NLRP8: variants seen among roughly 807,000 people sequenced by gnomAD.
The protein encoded by NLRP8 is NLR family pyrin domain containing 8.
A neutral mutation model predicts 88.7 loss-of-function variants in NLRP8; 86 were observed. The observed-to-expected ratio is 0.97, with a 90% CI of 0.81 to 1.16. The LOEUF (loss-of-function observed/expected upper bound fraction) is 1.16. Ranked by LOEUF, NLRP8 falls within the 50% of genes most tolerant of loss-of-function variation. The probability of loss-of-function intolerance (pLI) is 0.00; values close to 1 mark genes in which losing one functional copy is unlikely to be tolerated. For missense variants in NLRP8, 1,342 were observed against 1,286.5 expected (o/e 1.04, Z -0.66); for synonymous variants, 504 against 494.6 (o/e 1.02, Z -0.25).
In NLRP8 at chr19:55,972,412, G is replaced by A. The variant is rs191239128; in HGVS notation, c.2535-1240G>A. Among the ~76,000 whole-genome samples the A allele has an allele frequency of 7.2e-3, 916 of 127,838 alleles. 12 individuals carry two copies. Among genetic ancestry groups the A allele is most frequent in the African/African-American group, 0.022 (851 of 38,090 alleles). 83.9% of individuals were successfully genotyped at this position (127,838 alleles called of 152,430 possible). A position where few individuals can be genotyped will look rare whatever the true frequency, so the allele number is the denominator to read the frequency against. ...TTACAGATGTGAGCCACTGCACCTA[G>A]TCTTTTTTTTTTTCAGGTTTTAATT... On this transcript the variant is annotated intron_variant, in intron 6 of 9. Transcript: ENST00000291971.
Position 55,955,363 on chromosome 19 carries a change from T to TC in NLRP8, c.1308dup (p.Thr437HisfsTer4), listed in dbSNP as rs778654409. The TC allele has an allele frequency of 1.2e-6, 2 of 1,614,160 alleles. No individual in the cohort carries two copies. Among genetic ancestry groups the TC allele is most frequent in the Admixed American group, 3.3e-5 (2 of 60,012 alleles). On this transcript the variant is annotated frameshift_variant, in exon 3 of 10. Coordinates refer to ENST00000291971, the MANE Select transcript of NLRP8 (RefSeq NM_176811.2). LOFTEE classifies it high-confidence loss of function. Reference sequence around the variant, plus strand: ...TCGTCCGGTATATTTCTAGCTTGTTTCCCACCAGAGCTGAGAACTTTTCCA... The same window carrying TC: ...TCGTCCGGTATATTTCTAGCTTGTTTCCCCACCAGAGCTGAGAACTTTTCCA...
intron 9 of NLRP8, among the ~76,000 whole-genome samples, chr19:55,983,941 T>G (rs983812001): frequency 1.3e-5 from 2 of 152,066 alleles, no homozygotes; most frequent in African/African-American, 4.8e-5. Context: ...TCTAAAAAAT[T>G]ACTGCTAACA....
Position 55,988,034 on chromosome 19 carries a change from G to C in NLRP8, c.*121G>C. On this transcript the variant is annotated 3_prime_UTR_variant, in exon 10 of 10. Coordinates refer to ENST00000291971, the MANE Select transcript of NLRP8 (RefSeq NM_176811.2). ...CTTTCCCCTGAAACAGAGCAACCCA[G>C]TCAACACCACAGAACCTCAGCTTTG... 1 of 716,672 alleles carries C rather than the reference G, an allele frequency of 1.4e-6. No homozygotes were observed. Among genetic ancestry groups the C allele is most frequent in the South Asian group, 1.6e-5 (1 of 62,292 alleles). The allele number at this position is 716,672 out of a possible 1,614,324, so 44.4% of individuals were successfully genotyped here.
intron 1 of NLRP8, among the ~76,000 whole-genome samples, chr19:55,950,935 G>C (rs539466300): frequency 2.6e-5 from 4 of 152,086 alleles, no homozygotes; most frequent in Non-Finnish European, 4.4e-5. Flanking sequence ...GAAATTAGCC[G>C]GGCGTGGTGG....
chr19:55,957,677 ATATATATATATATATATATATATATATAT>A (rs1979430876), intron 3 of NLRP8, among the ~76,000 whole-genome samples: 3 of 11,974 alleles, frequency 2.5e-4, no homozygotes, highest in African/African-American at 5.5e-4. Context: ...TAATAATTAT[ATATATATATATATATATATATATATATAT>A]ATATATATAT....
At chr19:55,961,749 G>T (rs1053709843) in intron 3 of NLRP8, among the ~76,000 whole-genome samples, 1 of 152,186 alleles carries the variant, frequency 6.6e-6, no homozygotes, top group Admixed American at 6.5e-5. Flanking sequence ...AGCGAGCTGT[G>T]TTCAGACCAC....
chr19:55,987,428 T>A (rs1308785077), intron 9 of NLRP8, among the ~76,000 whole-genome samples: 1 of 152,216 alleles, frequency 6.6e-6, no homozygotes, highest in Non-Finnish European at 1.5e-5. Flanking sequence ...GATTAGCTAA[T>A]GTCTGGTCTG....
chr19:55,977,689 G>A (rs960266226), intron 8 of NLRP8, among the ~76,000 whole-genome samples: 23 of 151,296 alleles, frequency 1.5e-4, no homozygotes, highest in African/African-American at 5.6e-4. Context: ...TAAGTATTTG[G>A]AAAAGACTTG....
chr19:55,985,913 G>T (rs1429102270), intron 9 of NLRP8, among the ~76,000 whole-genome samples: 1 of 152,144 alleles, frequency 6.6e-6, no homozygotes, highest in East Asian at 1.9e-4. Flanking sequence ...CTTCTCAGGA[G>T]GCTGAGGCAG....
chr19:55,950,056 G>A (rs1979022306), intron 1 of NLRP8, among the ~76,000 whole-genome samples: 2 of 152,124 alleles, frequency 1.3e-5, no homozygotes, highest in South Asian at 4.1e-4. Context: ...CCGTGACCCA[G>A]TGGTAGAGAA....
Position 55,988,183 on chromosome 19 carries a change from G to A in NLRP8, c.*270G>A, listed in dbSNP as rs1980944665. The A allele has an allele frequency of 8.6e-6, 2 of 231,534 alleles. No individual in the cohort carries two copies. The highest frequency in any genetic ancestry group is 1.7e-5 in the Non-Finnish European group (2 of 117,792). The allele number at this position is 231,534 out of a possible 1,614,324, so 14.3% of individuals were successfully genotyped here. The stretch of plus-strand genomic sequence containing the variant: ...GAGGTGGGCAGATTACCTGAGGTCA[G>A]GAGTTCCAGACCAGCCTGGCCAACA... On this transcript the variant is annotated 3_prime_UTR_variant, in exon 10 of 10. Transcript: ENST00000291971.
chr19:55,984,548 T>C (rs1980718612), intron 9 of NLRP8, among the ~76,000 whole-genome samples: 6 of 149,720 alleles, frequency 4.0e-5, no homozygotes, highest in African/African-American at 1.2e-4. Context: ...CAGCTACTTT[T>C]GAGGCTGAGG....
chr19:55,972,318 T>C (rs73613434), intron 6 of NLRP8, among the ~76,000 whole-genome samples: 31,246 of 151,700 alleles, frequency 0.21, 3,498 homozygotes, highest in African/African-American at 0.31. Flanking sequence ...TTTTGCCACG[T>C]TGGCCAGGCT....
intron 1 of NLRP8, among the ~76,000 whole-genome samples, chr19:55,951,972 G>T (rs561679232): frequency 6.6e-6 from 1 of 151,872 alleles, no homozygotes; most frequent in African/African-American, 2.4e-5. Context: ...AGCTGGTCTC[G>T]AACTCCTTGG....
intron 9 of NLRP8, among the ~76,000 whole-genome samples, chr19:55,986,462 ACTCTCT>A (rs1264602164): frequency 0.011 from 478 of 44,956 alleles, 4 homozygotes; most frequent in Middle Eastern, 0.032. Context: ...TCACACACAC[ACTCTCT>A]CACATACACA....
intron 9 of NLRP8, among the ~76,000 whole-genome samples, chr19:55,980,431 T>C (rs139197473): frequency 7.9e-4 from 121 of 152,348 alleles, no homozygotes; most frequent in African/African-American, 2.8e-3. Context: ...AAAGGCGTAT[T>C]GTCTTACACA....
In NLRP8 at chr19:55,961,244, A is replaced by G. The variant is rs1979596308; in HGVS notation, c.2043-823A>G. ...TAATGCAACCAACAGCAATCTTCAC[A>G]TGTGTATCTTGGTCAGCCTCTCTGA... On this transcript the variant is annotated intron_variant, in intron 3 of 9. Transcript: ENST00000291971. Among the ~76,000 whole-genome samples, 3 of 152,002 alleles carry G rather than the reference A, an allele frequency of 2.0e-5. No homozygotes were observed. The South Asian group carries it at 6.2e-4, about 32-fold the overall frequency.
chr19:55,982,861 A>C (rs1013230380), intron 9 of NLRP8, among the ~76,000 whole-genome samples: 2 of 152,130 alleles, frequency 1.3e-5, no homozygotes, highest in African/African-American at 4.8e-5. Flanking sequence ...TGGGAAGATC[A>C]CTTGAGCCCA....
intron 5 of NLRP8, among the ~76,000 whole-genome samples, chr19:55,967,155 G>T (rs1490104763): frequency 6.6e-6 from 1 of 152,144 alleles, no homozygotes; most frequent in Non-Finnish European, 1.5e-5. Flanking sequence ...CAAATACTAG[G>T]TCTTATTCTT....
Sources: gnomAD v4.1 joint callset for allele counts (sites outside exome capture counted in the v4.1 genomes callset) on GRCh38, gnomAD v4.1.1 for gene constraint, MANE v1.5 for transcripts, NCBI Gene and HGNC (gene_info 2026-07-23, HGNC 2026-07-21) for gene names.